DOCK2: variants seen among roughly 807,000 people sequenced by gnomAD.
DOCK2 encodes dedicator of cytokinesis 2.
DOCK2 carries 87 observed loss-of-function variants against 248.9 expected under a neutral mutation model. The observed-to-expected ratio is 0.35, with a 90% CI of 0.29 to 0.42. The LOEUF (loss-of-function observed/expected upper bound fraction) is 0.42, where lower values mean the gene tolerates loss of function less well. Among genes scored for constraint, DOCK2 ranks in the 10% least tolerant of loss-of-function variants. DOCK2 has a pLI of 1.00. For missense variants in DOCK2, 1,747 were observed against 2,300.2 expected (o/e 0.76, Z 4.92); for synonymous variants, 805 against 821.6 (o/e 0.98, Z 0.35).
At chr5:169,768,156 G>A (rs1386890439) in intron 25 of DOCK2, among the ~76,000 whole-genome samples, 1 of 152,086 alleles carries the variant, frequency 6.6e-6, no homozygotes. Flanking sequence ...TCCACCCACG[G>A]TCCGTTGGCC....
At chr5:169,796,952 A>C (rs2113097876) in intron 25 of DOCK2, among the ~76,000 whole-genome samples, 1 of 152,328 alleles carries the variant, frequency 6.6e-6, no homozygotes, top group South Asian at 2.1e-4. Flanking sequence ...AGAGTTGAAA[A>C]AACTCATTCT....
chr5:169,698,491 C>T (rs746374880), intron 11 of DOCK2, 42 bp downstream of exon 11: 1 of 1,604,404 alleles, frequency 6.2e-7, no homozygotes, highest in Admixed American at 1.7e-5. Context: ...TCAACCACAC[C>T]CTTTGTCATC....
At chr5:169,991,911 T>C (rs1218542114) in intron 29 of DOCK2, among the ~76,000 whole-genome samples, 2 of 152,254 alleles carry the variant, frequency 1.3e-5, no homozygotes, top group African/African-American at 2.4e-5. Context: ...TTTCAGTTTA[T>C]AGAATTAAAT....
At chr5:169,956,841 A>G (rs1363586517) in intron 27 of DOCK2, among the ~76,000 whole-genome samples, 2 of 152,178 alleles carry the variant, frequency 1.3e-5, no homozygotes, top group Non-Finnish European at 1.5e-5. Context: ...TTTCAGACCT[A>G]TGGGTCCAGG....
At chr5:169,785,560 TG>T (rs1216971687) in intron 25 of DOCK2, among the ~76,000 whole-genome samples, 1 of 152,218 alleles carries the variant, frequency 6.6e-6, no homozygotes, top group Non-Finnish European at 1.5e-5. Context: ...AATGAATACC[TG>T]GAAAGAAAGA....
chr5:170,075,524 T>C (rs754270980), intron 46 of DOCK2: 75 of 162,520 alleles, frequency 4.6e-4, no homozygotes, highest in Non-Finnish European at 1.7e-4. Flanking sequence ...CTTGCCTTCC[T>C]CTATCTCTCA....
intron 22 of DOCK2, among the ~76,000 whole-genome samples, chr5:169,721,592 A>G (rs555408903): frequency 1.3e-5 from 2 of 152,328 alleles, no homozygotes; most frequent in East Asian, 1.9e-4. Context: ...GGCTAATTGT[A>G]TCTGGTATTG....
At chr5:169,647,880 T>C (rs1757558519) in intron 1 of DOCK2, among the ~76,000 whole-genome samples, 1 of 152,172 alleles carries the variant, frequency 6.6e-6, no homozygotes, top group African/African-American at 2.4e-5. Flanking sequence ...GTTTATTTTG[T>C]CTCTTCGACT....
At position 170,082,821 on chromosome 5, in the gene DOCK2, G is replaced by A. The variant is rs768434347; in HGVS notation, c.5456G>A (p.Gly1819Asp). 6.2e-7 allele frequency: 1 copy of A among 1,614,136 alleles called. No individual in the cohort carries two copies. The highest frequency in any genetic ancestry group is 8.5e-7 in the Non-Finnish European group (1 of 1,180,008). The stretch of plus-strand genomic sequence containing the variant: ...CTGGCCAGCAAATCGGCTGAAGAAG[G>A]CAAACAGATCCCAGACTCGCTGTCC... ...TMLASKSAEEGKQIPDSLSTD... is the reference protein window; with the variant it reads ...TMLASKSAEEDKQIPDSLSTD... Residue 1819 changes from glycine (G) to aspartate (D), a missense_variant, in exon 52 of 52, where the codon GGC (glycine) becomes GAC (aspartate). Gly to Asp is a moderately conservative substitution (Grantham distance 94). Around this residue, in one of 4 missense-constraint regions of DOCK2, gnomAD observed 513 missense variants for 586.1 expected, o/e 0.88. Transcript: ENST00000520908.
At chr5:169,784,112 G>A (rs1765858482) in intron 25 of DOCK2, among the ~76,000 whole-genome samples, 2 of 122,976 alleles carry the variant, frequency 1.6e-5, no homozygotes, top group South Asian at 3.1e-4. Context: ...GTGGATTGTG[G>A]TCAATTTCAT....
At chr5:169,775,050 A>G (rs1040892145) in intron 25 of DOCK2, among the ~76,000 whole-genome samples, 2 of 152,144 alleles carry the variant, frequency 1.3e-5, no homozygotes, top group African/African-American at 4.8e-5. Flanking sequence ...CTGGGATAAC[A>G]GGCATGAGCC....
intron 27 of DOCK2, among the ~76,000 whole-genome samples, chr5:169,904,269 G>A (rs1774145371): frequency 6.6e-6 from 1 of 152,104 alleles, no homozygotes; most frequent in Non-Finnish European, 1.5e-5. Context: ...GTACTTGAAA[G>A]CAAGGAGGGC....
intron 25 of DOCK2, among the ~76,000 whole-genome samples, chr5:169,788,658 A>G (rs148637539): frequency 6.6e-6 from 1 of 152,300 alleles, no homozygotes; most frequent in African/African-American, 2.4e-5. Flanking sequence ...TGTCTTTTCC[A>G]TTGGGATGTC....
intron 32 of DOCK2, among the ~76,000 whole-genome samples, chr5:170,012,054 A>T (rs1469785435): frequency 1.3e-5 from 2 of 152,252 alleles, no homozygotes; most frequent in Non-Finnish European, 2.9e-5. Context: ...AAGTTGCCAG[A>T]CGAGGCCAAG....
intron 27 of DOCK2, among the ~76,000 whole-genome samples, chr5:169,878,513 C>T (rs1203546534): frequency 6.6e-6 from 1 of 152,186 alleles, no homozygotes; most frequent in African/African-American, 2.4e-5. Context: ...CTATTGCTTG[C>T]TCAGGGCTGT....
intron 2 of DOCK2, among the ~76,000 whole-genome samples, chr5:169,657,410 G>C (rs1758184086): frequency 6.6e-6 from 1 of 152,180 alleles, no homozygotes; most frequent in Non-Finnish European, 1.5e-5. Context: ...CCTTCTTACA[G>C]AAAACTACTT....
At chr5:169,990,127 C>G (rs1778170008) in intron 29 of DOCK2, among the ~76,000 whole-genome samples, 1 of 151,784 alleles carries the variant, frequency 6.6e-6, no homozygotes, top group African/African-American at 2.4e-5. Flanking sequence ...GAGACAGAGT[C>G]TCACTCTGTC....
At chr5:170,045,992 G>A in intron 39 of DOCK2, 87 bp downstream of exon 39, 1 of 1,266,220 alleles carries the variant, frequency 7.9e-7, no homozygotes, top group Non-Finnish European at 1.2e-6. Flanking sequence ...AGATGGGCAT[G>A]AGGGCCAGGC....
chr5:169,958,958 G>T (rs1776971848), intron 27 of DOCK2, among the ~76,000 whole-genome samples: 1 of 152,196 alleles, frequency 6.6e-6, no homozygotes, highest in Non-Finnish European at 1.5e-5. Flanking sequence ...GAATGAGGCA[G>T]GTTCCTAGAA....
Sources: allele counts gnomAD v4.1 joint callset (sites outside exome capture counted in the v4.1 genomes callset), GRCh38; gene constraint gnomAD v4.1.1; regional missense constraint gnomAD v4.1.1; transcripts MANE v1.5; gene names NCBI Gene and HGNC (gene_info 2026-07-23, HGNC 2026-07-21).